CNTNAP4: variants seen among roughly 807,000 people sequenced by gnomAD.
The protein encoded by CNTNAP4 is contactin-associated protein-like 4.
In CNTNAP4, 98 loss-of-function variants were observed where a neutral mutation model predicts 148.4. That is an observed-to-expected ratio of 0.66 (90% CI 0.56 to 0.78). The LOEUF (loss-of-function observed/expected upper bound fraction) is 0.78. CNTNAP4 is among the 30% of genes least tolerant of loss of function. CNTNAP4 has a pLI of 0.00. For synonymous variants in CNTNAP4, 730 were observed against 565.1 expected (o/e 1.29, Z -4.14); for missense variants, 1,935 against 1,565.6 (o/e 1.24, Z -3.98).
At chr16:76,553,723 A>G (rs935118086) in intron 22 of CNTNAP4, 113 bp from the exon 23 acceptor site, 1 of 696,090 alleles carries the variant, frequency 1.4e-6, no homozygotes, top group Non-Finnish European at 2.5e-6. Context: ...AATAACAGAG[A>G]TCCCACATTC....
In CNTNAP4 at chr16:76,301,555, T is replaced by A. The variant is rs72794943; in HGVS notation, c.86-14858T>A. On this transcript the variant is annotated intron_variant, in intron 1 of 23. Coordinates refer to ENST00000611870, the MANE Select transcript of CNTNAP4 (RefSeq NM_033401.5). ...TCATGTATACTGAAAGACCTGGAAG[T>A]ACATGAGTTACCAGTACTTGGTTTA... 8.2e-3 allele frequency among the ~76,000 whole-genome samples: 1,256 copies of A among 152,292 alleles called. 5 individuals carry two copies. The highest frequency in any genetic ancestry group is 0.013 in the Non-Finnish European group (856 of 68,016).
intron 8 of CNTNAP4, among the ~76,000 whole-genome samples, chr16:76,456,660 A>C (rs369543179): frequency 6.6e-6 from 1 of 152,296 alleles, no homozygotes; most frequent in South Asian, 2.1e-4. Context: ...TGCCAGCCAG[A>C]TTCTTACAAC....
At chr16:76,279,992 C>T (rs185644569) in intron 1 of CNTNAP4, among the ~76,000 whole-genome samples, 2 of 152,246 alleles carry the variant, frequency 1.3e-5, no homozygotes, top group East Asian at 3.9e-4. Flanking sequence ...TAAGGACAAG[C>T]AACTATCAAC....
chr16:76,556,315 T>C (rs977758894), intron 23 of CNTNAP4, among the ~76,000 whole-genome samples: 2 of 152,194 alleles, frequency 1.3e-5, no homozygotes, highest in Admixed American at 6.5e-5. Context: ...AGGTGCAGCA[T>C]CATAGAGGCT....
At chr16:76,368,183 GT>G (rs1353203851) in intron 3 of CNTNAP4, among the ~76,000 whole-genome samples, 2 of 152,090 alleles carry the variant, frequency 1.3e-5, no homozygotes, top group Non-Finnish European at 2.9e-5. Context: ...TTGAGTTAAT[GT>G]TGCAAGAAGG....
intron 3 of CNTNAP4, among the ~76,000 whole-genome samples, chr16:76,404,738 A>G (rs1242713960): frequency 1.3e-5 from 2 of 152,170 alleles, no homozygotes; most frequent in Non-Finnish European, 2.9e-5. Context: ...TTTAATACAA[A>G]AATTGTGAAT....
At chr16:76,495,228 T>C in intron 14 of CNTNAP4, 162 bp downstream of exon 14, 1 of 629,298 alleles carries the variant, frequency 1.6e-6, no homozygotes, top group Non-Finnish European at 2.6e-6. Context: ...TAATCGTTAG[T>C]ATTAAGTCAA....
Position 76,535,585 on chromosome 16 carries a change from T to C in CNTNAP4, c.2796T>C (p.Ile932=), listed in dbSNP as rs200822240. 5.7e-4 allele frequency: 924 copies of C among 1,612,748 alleles called. 1 individual carries two copies. The highest frequency in any genetic ancestry group is 4.0e-3 in the Middle Eastern group (20 of 4,958). The change falls in exon 18 of 24, where the codon ATT becomes ATC. Residue 932 remains isoleucine (I), a synonymous_variant. Coordinates refer to ENST00000611870, the MANE Select transcript of CNTNAP4 (RefSeq NM_033401.5). ...ATRQRGFLGC[I]RSLQLNGMTL... is the part of the protein sequence containing the mutation. ...GACAGAGAGGCTTTCTGGGCTGCAT[T>C]CGGTCTCTGCAGTTGAATGGGATGA...
At chr16:76,392,112 G>A (rs1285262393) in intron 3 of CNTNAP4, among the ~76,000 whole-genome samples, 1 of 152,124 alleles carries the variant, frequency 6.6e-6, no homozygotes. Flanking sequence ...TCCTGCCTCA[G>A]CCTCCCAAGA....
At chr16:76,347,075 A>G (rs879349045) in intron 2 of CNTNAP4, among the ~76,000 whole-genome samples, 9 of 152,106 alleles carry the variant, frequency 5.9e-5, no homozygotes, top group Non-Finnish European at 1.3e-4. Context: ...AAACAAAGCA[A>G]TACATACATC....
intron 3 of CNTNAP4, among the ~76,000 whole-genome samples, chr16:76,358,603 T>C (rs891868319): frequency 3.9e-5 from 6 of 152,122 alleles, no homozygotes; most frequent in African/African-American, 1.4e-4. Flanking sequence ...GCATGGACAT[T>C]GGGGATATCC....
rs754084194 is a variant in CNTNAP4 at position 76,452,603 on chromosome 16, G to A, written c.1167G>A (p.Glu389=). Residue 389 remains glutamate, a synonymous_variant, in exon 8 of 24, where the codon GAG becomes GAA. Transcript: ENST00000611870. ...SYLALPDFSG[E]EEVSATFQFR... ...TAGCACTGCCAGACTTCTCTGGAGA[G>A]GAGGAGGTTTCTGCCACTTTTCAAT... The A allele has an allele frequency of 1.2e-6, 2 of 1,613,876 alleles. No individual in the cohort carries two copies. The highest frequency in any genetic ancestry group is 2.7e-5 in the African/African-American group (2 of 74,912).
chr16:76,475,121 G>A (rs938823097), intron 10 of CNTNAP4, among the ~76,000 whole-genome samples: 6 of 151,896 alleles, frequency 4.0e-5, no homozygotes, highest in Admixed American at 2.6e-4. Context: ...AGGTTGCAGT[G>A]AGCTGAGATT....
At chr16:76,533,559 G>A (rs2084080284) in intron 17 of CNTNAP4, among the ~76,000 whole-genome samples, 1 of 152,062 alleles carries the variant, frequency 6.6e-6, no homozygotes, top group African/African-American at 2.4e-5. Context: ...CTAATATCAT[G>A]TATATCACAA....
intron 1 of CNTNAP4, among the ~76,000 whole-genome samples, chr16:76,300,538 A>G (rs150799787): frequency 1.3e-5 from 2 of 152,320 alleles, no homozygotes; most frequent in East Asian, 3.9e-4. Flanking sequence ...CCCAGAACTT[A>G]AAGTATAATC....
rs1568326662 is a variant in CNTNAP4, at chr16:76,476,005, C to A, written c.1722C>A (p.Asn574Lys). Residue 574 changes from asparagine to lysine, a missense_variant, in exon 11 of 24, where the codon AAC becomes AAA. By Grantham distance (94) the Asn-to-Lys change is moderately conservative (BLOSUM62 0). Coordinates refer to ENST00000611870, the MANE Select transcript of CNTNAP4 (RefSeq NM_033401.5). ...AGTCCTGGAGCACCTTTCATTGTAACTGTACCAACACTGGTTACAGAGGAG... is the reference window on the plus strand; with the variant it reads ...AGTCCTGGAGCACCTTTCATTGTAAATGTACCAACACTGGTTACAGAGGAG... ...CSQSWSTFHC[N>K]CTNTGYRGAT... The A allele has an allele frequency of 6.2e-7, 1 of 1,613,880 alleles. No homozygotes were observed. The highest frequency in any genetic ancestry group is 8.5e-7 in the Non-Finnish European group (1 of 1,179,782).
At chr16:76,337,994 C>A (rs1289576465) in intron 2 of CNTNAP4, among the ~76,000 whole-genome samples, 1 of 152,190 alleles carries the variant, frequency 6.6e-6, no homozygotes, top group African/African-American at 2.4e-5. Flanking sequence ...TGTTCAAACA[C>A]ACATGTTTTA....
At chr16:76,379,667 CA>C (rs2015769687) in intron 3 of CNTNAP4, among the ~76,000 whole-genome samples, 3 of 152,158 alleles carry the variant, frequency 2.0e-5, no homozygotes, top group Admixed American at 2.0e-4. Context: ...GGTGATTAAC[CA>C]AGCTGTGACA....
Position 76,289,244 on chromosome 16 carries a change from G to T in CNTNAP4, c.85+11497G>T, listed in dbSNP as rs563889002. Among the ~76,000 whole-genome samples the T allele has an allele frequency of 2.6e-5, 4 of 152,168 alleles. No homozygotes were observed. The South Asian group carries it at 8.3e-4, about 32-fold the overall frequency. Reference sequence around the variant, plus strand: ...CTTCCTATGCCTGTAGCACGTGCCCGATCATCTCTAGCAATTTGAAAGTAG... The same window carrying T: ...CTTCCTATGCCTGTAGCACGTGCCCTATCATCTCTAGCAATTTGAAAGTAG... On this transcript the variant is annotated intron_variant, in intron 1 of 23. Coordinates refer to ENST00000611870, the MANE Select transcript of CNTNAP4 (RefSeq NM_033401.5).
Sources: allele counts gnomAD v4.1 joint callset (sites outside exome capture counted in the v4.1 genomes callset), GRCh38; gene constraint gnomAD v4.1.1; transcripts MANE v1.5; gene names NCBI Gene and HGNC (gene_info 2026-07-23, HGNC 2026-07-21).